SMOC2: variants seen among roughly 807,000 people sequenced by gnomAD.
SMOC2 encodes SPARC related modular calcium binding 2, also known as SPARC-related modular calcium-binding protein 2.
A neutral mutation model predicts 61.4 loss-of-function variants in SMOC2; 39 were observed. The observed-to-expected ratio is 0.64, with a 90% CI of 0.49 to 0.83. SMOC2 has a LOEUF of 0.83. Among genes scored for constraint, SMOC2 ranks in the 40% least tolerant of loss-of-function variants. The pLI is 0.00. For synonymous variants in SMOC2, 247 were observed against 239.9 expected, an observed-to-expected ratio of 1.03 and a Z score of -0.27; for missense variants, 556 against 592.9, an observed-to-expected ratio of 0.94 and a Z score of 0.65.
chr6:168,579,703 C>T (rs1318392490), intron 7 of SMOC2, among the ~76,000 whole-genome samples: 2 of 151,928 alleles, frequency 1.3e-5, no homozygotes, highest in Non-Finnish European at 1.5e-5. Flanking sequence ...GGGCATCACG[C>T]GGAGATACTC....
intron 7 of SMOC2, among the ~76,000 whole-genome samples, chr6:168,554,888 G>A (rs1319944587): frequency 6.6e-6 from 1 of 152,146 alleles, no homozygotes; most frequent in Non-Finnish European, 1.5e-5. Flanking sequence ...CAAGATGCCG[G>A]GGGCATCTGC....
chr6:168,579,378 C>T (rs1036290039), intron 7 of SMOC2, among the ~76,000 whole-genome samples: 4 of 152,228 alleles, frequency 2.6e-5, no homozygotes, highest in Non-Finnish European at 5.9e-5. Context: ...TTGTCAGCGT[C>T]GCTTTTATTT....
At chr6:168,629,623 A>T (rs1583172657) in intron 9 of SMOC2, among the ~76,000 whole-genome samples, 1 of 152,120 alleles carries the variant, frequency 6.6e-6, no homozygotes, top group East Asian at 1.9e-4. Context: ...CTGTTTAAAA[A>T]CACCCTCCTC....
rs1041335498 is a variant in SMOC2 at position 168,476,995 on chromosome 6, C to G, written c.85-32920C>G. Among the ~76,000 whole-genome samples the G allele has an allele frequency of 5.9e-5, 9 of 152,310 alleles. No individual in the cohort carries two copies. The East Asian group carries it at 1.7e-3, about 29-fold the overall frequency. On this transcript the variant is annotated intron_variant, in intron 1 of 12. Coordinates refer to ENST00000356284, the MANE Select transcript of SMOC2 (RefSeq NM_001166412.2). The stretch of plus-strand genomic sequence containing the variant: ...TACATTCATCATAGACGTTTGTGTG[C>G]AATAACACCAATGGTTCCAAACCTT...
intron 1 of SMOC2, among the ~76,000 whole-genome samples, chr6:168,497,476 A>G (rs1782619719): frequency 1.3e-5 from 2 of 150,826 alleles, no homozygotes; most frequent in Non-Finnish European, 3.0e-5. Context: ...GTGAATGCGG[A>G]TGGAGGTGGG....
intron 9 of SMOC2, among the ~76,000 whole-genome samples, chr6:168,611,420 T>C (rs191909312): frequency 0.11 from 12,662 of 112,634 alleles, 1,228 homozygotes; most frequent in Middle Eastern, 0.22. Context: ...GGACCCACCG[T>C]GGCTCCCGTG....
chr6:168,583,578 C>T lies in SMOC2; in HGVS notation c.638-15240C>T, dbSNP rs762031737. ...GACCCCCTGTCTCTCATCTTCCTTG[C>T]ACTAATCAGCAAACTGGGGATGTTC... On this transcript the variant is annotated intron_variant, in intron 7 of 12. Transcript: ENST00000356284. Among the ~76,000 whole-genome samples the T allele has an allele frequency of 2.0e-5, 3 of 152,298 alleles. No individual in the cohort carries two copies. In the South Asian group the frequency reaches 6.2e-4, roughly 32 times the overall value.
intron 9 of SMOC2, among the ~76,000 whole-genome samples, chr6:168,630,644 G>A (rs142913418): frequency 0.031 from 4,690 of 152,274 alleles, 266 homozygotes; most frequent in African/African-American, 0.11. Flanking sequence ...TCTGACTGCC[G>A]GTGAGCCGGG....
intron 1 of SMOC2, among the ~76,000 whole-genome samples, chr6:168,489,941 C>T (rs1259594426): frequency 2.7e-5 from 4 of 150,330 alleles, no homozygotes; most frequent in East Asian, 4.0e-4. Context: ...TGAAATATAT[C>T]GAATCATCTG....
At chr6:168,620,321 A>G (rs542437176) in intron 9 of SMOC2, among the ~76,000 whole-genome samples, 4 of 152,276 alleles carry the variant, frequency 2.6e-5, no homozygotes, top group Admixed American at 1.3e-4. Flanking sequence ...TTTGTTTTCT[A>G]ATTTTGCAAG....
At chr6:168,534,826 C>CG (rs552267091) in intron 4 of SMOC2, among the ~76,000 whole-genome samples, 150 of 152,200 alleles carry the variant, frequency 9.9e-4, no homozygotes, top group African/African-American at 3.5e-3. Context: ...ACCTCATCTA[C>CG]AAGTGACTTT....
intron 1 of SMOC2, among the ~76,000 whole-genome samples, chr6:168,477,566 C>T (rs1401152351): frequency 2.0e-5 from 3 of 152,266 alleles, no homozygotes; most frequent in African/African-American, 4.8e-5. Flanking sequence ...CTCTTTCTTT[C>T]GTGGACAGCT....
chr6:168,615,867 G>A (rs75413359), intron 9 of SMOC2, among the ~76,000 whole-genome samples: 37,195 of 147,042 alleles, frequency 0.25, 5,264 homozygotes, highest in Non-Finnish European at 0.27. Flanking sequence ...GGATTTTTCA[G>A]ACACGATTTT....
chr6:168,596,582 G>C (rs1218921954), intron 7 of SMOC2, among the ~76,000 whole-genome samples: 1 of 152,242 alleles, frequency 6.6e-6, no homozygotes, highest in Non-Finnish European at 1.5e-5. Flanking sequence ...ATCCTCAGCT[G>C]CTGCTCTCCG....
intron 7 of SMOC2, among the ~76,000 whole-genome samples, chr6:168,592,062 A>G (rs1479401148): frequency 7.9e-5 from 12 of 152,232 alleles, no homozygotes; most frequent in Admixed American, 4.6e-4. Flanking sequence ...AACAGAACCA[A>G]GTGTCTCTGT....
chr6:168,514,162 T>C (rs1229843625), intron 2 of SMOC2, among the ~76,000 whole-genome samples: 1 of 152,182 alleles, frequency 6.6e-6, no homozygotes, highest in Non-Finnish European at 1.5e-5. Context: ...CAAATTTGTT[T>C]ACTCTGCATC....
At chr6:168,585,861 G>C (rs151297126) in intron 7 of SMOC2, among the ~76,000 whole-genome samples, 10 of 152,182 alleles carry the variant, frequency 6.6e-5, no homozygotes, top group African/African-American at 2.4e-4. Context: ...TTCACCTTTG[G>C]TGTTGATTTG....
rs141267464 is a variant in SMOC2 at position 168,605,218 on chromosome 6, G to A, written c.825-2939G>A. On this transcript the variant is annotated intron_variant, in intron 8 of 12. Transcript: ENST00000356284. ...CTGGCTGTTCCTACCTCACATCTGG[G>A]CAGCCTCTGTTCCTGGACCCCAGAG... is the stretch of plus-strand genomic sequence containing the variant. Among the ~76,000 whole-genome samples the A allele has an allele frequency of 4.0e-3, 609 of 152,190 alleles. 4 individuals are homozygous for A. The highest frequency in any genetic ancestry group is 0.014 in the African/African-American group (571 of 41,520).
chr6:168,474,363 T>C lies in SMOC2; in HGVS notation c.84+32909T>C, dbSNP rs76831046. Among the ~76,000 whole-genome samples, 761 of 152,204 alleles carry C rather than the reference T, an allele frequency of 5.0e-3. 10 individuals carry two copies. The highest frequency in any genetic ancestry group is 0.017 in the African/African-American group (701 of 41,564). ...ACCTTTCACAGTGCCCCGCTCCTCC[T>C]TCCAGCATTTCCTGCTGCCCTTTGC... On this transcript the variant is annotated intron_variant, in intron 1 of 12. Transcript: ENST00000356284.
Sources: allele counts gnomAD v4.1 joint callset (sites outside exome capture counted in the v4.1 genomes callset), GRCh38; gene constraint gnomAD v4.1.1; transcripts MANE v1.5; gene names NCBI Gene and HGNC (gene_info 2026-07-23, HGNC 2026-07-21).